ALPL: variants seen among roughly 807,000 people sequenced by gnomAD.
ALPL encodes alkaline phosphatase, tissue-nonspecific isozyme.
Under a neutral mutation model 51.3 loss-of-function variants are expected in ALPL, and 42 were observed. That is an observed-to-expected ratio of 0.82 (90% confidence interval 0.64 to 1.06). ALPL has a LOEUF of 1.06. Ranked by LOEUF, ALPL falls within the 50% of genes least tolerant of loss-of-function variation. The pLI, the probability that ALPL is intolerant of heterozygous loss-of-function variation, is 0.00. For synonymous variants in ALPL, 279 were observed against 296.4 expected (o/e 0.94, Z 0.60); for missense variants, 589 against 709.4 (o/e 0.83, Z 1.93).
chr1:21,576,923 C>G (rs1347862925), intron 11 of ALPL, among the ~76,000 whole-genome samples: 1 of 152,140 alleles, frequency 6.6e-6, no homozygotes, highest in African/African-American at 2.4e-5. Flanking sequence ...TCTGAATGAC[C>G]AAATGGGTCT....
chr1:21,509,100 C>A (rs1442760844), upstream of ALPL, among the ~76,000 whole-genome samples: 1 of 152,008 alleles, frequency 6.6e-6, no homozygotes, highest in African/African-American at 2.4e-5. The surrounding 1 kb of genome is among the most constrained non-coding windows in gnomAD (Gnocchi z 6.0). Flanking sequence ...AGGAGACGCG[C>A]GCAAGGAGCA....
intron 1 of ALPL, among the ~76,000 whole-genome samples, chr1:21,511,333 G>C (rs958933462): frequency 6.6e-6 from 1 of 152,210 alleles, no homozygotes; most frequent in African/African-American, 2.4e-5. Context: ...TGGGACCTGG[G>C]ATCAGTTCTG....
chr1:21,570,841 G>C (rs1333388425), intron 8 of ALPL, among the ~76,000 whole-genome samples: 2 of 152,178 alleles, frequency 1.3e-5, no homozygotes, highest in East Asian at 3.9e-4. Flanking sequence ...GAGGGCCCAG[G>C]GGCAGCTTCA....
intron 1 of ALPL, among the ~76,000 whole-genome samples, chr1:21,551,946 C>G (rs956279678): frequency 6.6e-6 from 1 of 150,548 alleles, no homozygotes; most frequent in African/African-American, 2.4e-5. Flanking sequence ...AGGATGGTCT[C>G]GATCTCCTGA....
chr1:21,568,323 T>C lies in ALPL; in HGVS notation c.792+76T>C, dbSNP rs3738097. ...AGGCTGTGTGACCCCTGCTCTGAAG[T>C]TCTGTTGTCCTCTGTAGAAAGGGCA... On this transcript the variant is annotated intron_variant, in intron 7 of 11. Coordinates refer to ENST00000374840, the MANE Select transcript of ALPL (RefSeq NM_000478.6). 229,942 of 1,598,700 alleles carry C rather than the reference T, an allele frequency of 0.14. 21,449 individuals are homozygous for C. Among genetic ancestry groups the C allele is most frequent in the East Asian group, 0.5 (22,361 of 44,364 alleles).
In ALPL at chr1:21,577,559, C is replaced by T; in HGVS notation, c.1486C>T (p.His496Tyr). The change falls in exon 12 of 12, where the codon CAC (histidine) becomes TAC (tyrosine). Residue 496 changes from histidine (H) to tyrosine (Y), a missense_variant. Physicochemically the swap from His to Tyr is moderately conservative, Grantham distance 83. Coordinates refer to ENST00000374840, the MANE Select transcript of ALPL (RefSeq NM_000478.6). ...AGCCTGCATCGGGGCCAACCTCGGC[C>T]ACTGTGCTCCTGCCAGCTCGGCAGG... is the stretch of plus-strand genomic sequence containing the variant. ...YAACIGANLG[H>Y]CAPASSAGSL... The T allele has an allele frequency of 6.2e-7, 1 of 1,604,696 alleles. No individual in the cohort carries two copies. The highest frequency in any genetic ancestry group is 8.5e-7 in the Non-Finnish European group (1 of 1,179,854).
At chr1:21,541,709 G>A (rs1461478719) in intron 1 of ALPL, among the ~76,000 whole-genome samples, 1 of 152,194 alleles carries the variant, frequency 6.6e-6, no homozygotes, top group Non-Finnish European at 1.5e-5. Context: ...CTGGGCTGGG[G>A]TAGGGTAGGG....
Position 21,554,001 on chromosome 1 carries a change from G to T in ALPL, c.-81G>T. The T allele has an allele frequency of 8.8e-7, 1 of 1,141,802 alleles. No individual in the cohort carries two copies. The highest frequency in any genetic ancestry group is 1.2e-5 in the South Asian group (1 of 81,558). The allele number at this position is 1,141,802 out of a possible 1,614,324, so 70.7% of individuals were successfully genotyped here. Reference sequence around the variant, plus strand: ...AGGATTGGAACATCAGTTAACATCTGACCACTGCCAGCCCACCCCCTCCCA... The same window carrying T: ...AGGATTGGAACATCAGTTAACATCTTACCACTGCCAGCCCACCCCCTCCCA... On this transcript the variant is annotated 5_prime_UTR_variant, in exon 2 of 12. Coordinates refer to ENST00000374840, the MANE Select transcript of ALPL (RefSeq NM_000478.6).
At chr1:21,560,549 G>T (rs963021944) in intron 2 of ALPL, 77 bp from the exon 3 acceptor site, 263 of 1,581,414 alleles carry the variant, frequency 1.7e-4, no homozygotes, top group Non-Finnish European at 3.6e-5. Context: ...TGAGCAATCA[G>T]AAGTGGGGGG....
chr1:21,576,392 T>C (rs190956049), intron 10 of ALPL, 130 bp from the exon 11 acceptor site: 1 of 1,273,584 alleles, frequency 7.9e-7, no homozygotes, highest in Admixed American at 2.2e-5. Flanking sequence ...AGGTGGCTTC[T>C]TGGAGGCATT....
intron 4 of ALPL, among the ~76,000 whole-genome samples, chr1:21,562,410 C>T (rs1236944358): frequency 1.3e-5 from 2 of 152,034 alleles, no homozygotes; most frequent in Non-Finnish European, 2.9e-5. Context: ...TGTGCACTGC[C>T]GGGTAGCTAT....
chr1:21,536,688 G>T (rs574647370), intron 1 of ALPL, among the ~76,000 whole-genome samples: 1 of 152,044 alleles, frequency 6.6e-6, no homozygotes, highest in African/African-American at 2.4e-5. Flanking sequence ...ACCTGGAGCT[G>T]GAGGCGGGAT....
intron 1 of ALPL, among the ~76,000 whole-genome samples, chr1:21,551,719 GTTTTTTTTTTTTT>G (rs397861981): frequency 8.1e-5 from 5 of 61,440 alleles, no homozygotes; most frequent in Non-Finnish European, 1.2e-4. Context: ...AGCTTGCGTG[GTTTTTTTTTTTTT>G]TTTTTTTTTT....
intron 1 of ALPL, among the ~76,000 whole-genome samples, chr1:21,538,404 G>A (rs1260389715): frequency 1.3e-5 from 2 of 152,202 alleles, no homozygotes; most frequent in Non-Finnish European, 2.9e-5. Flanking sequence ...TGCGAGGAAC[G>A]CTGTTATCTG....
chr1:21,551,892 A>AT (rs998038027), intron 1 of ALPL, among the ~76,000 whole-genome samples: 2 of 150,774 alleles, frequency 1.3e-5, no homozygotes, highest in South Asian at 2.1e-4. Context: ...CTCCCGGCTA[A>AT]TTTTTTGTAT....
In ALPL at chr1:21,554,263, T is replaced by A. The variant is rs112024500; in HGVS notation, c.61+121T>A. 2.2e-3 allele frequency: 2,277 copies of A among 1,057,284 alleles called. 53 individuals carry two copies. In the African/African-American group the frequency reaches 0.031, roughly 14 times the overall value. 65.5% of individuals were successfully genotyped at this position (1,057,284 alleles called of 1,614,324 possible). A position where few individuals can be genotyped will look rare whatever the true frequency, so the allele number is the denominator to read the frequency against. On this transcript the variant is annotated intron_variant, in intron 2 of 11. Transcript: ENST00000374840. ...AGTATTTAAGAGCTGAAAACAGTGT[T>A]CAGAGCAGGAAACCTCAGCCCTGCT...
At chr1:21,530,261 C>A (rs781568318) in intron 1 of ALPL, among the ~76,000 whole-genome samples, 1 of 152,136 alleles carries the variant, frequency 6.6e-6, no homozygotes. Context: ...TAGGCAATTA[C>A]GATTTTTGCT....
intron 1 of ALPL, among the ~76,000 whole-genome samples, chr1:21,523,224 G>A (rs541133910): frequency 3.3e-5 from 5 of 152,256 alleles, no homozygotes; most frequent in East Asian, 1.9e-4. Context: ...ACTTGAACCC[G>A]GGAGGCGGAG....
At chr1:21,525,496 C>A (rs945152520) in intron 1 of ALPL, among the ~76,000 whole-genome samples, 12 of 152,246 alleles carry the variant, frequency 7.9e-5, no homozygotes, top group Admixed American at 3.9e-4. Context: ...GGAGCGGCCT[C>A]TCCTGGCGTG....
Sources: gnomAD v4.1 joint callset for allele counts (sites outside exome capture counted in the v4.1 genomes callset) on GRCh38, gnomAD v4.1.1 for gene constraint, Gnocchi (gnomAD v3.1) non-coding constraint, MANE v1.5 for transcripts, NCBI Gene and HGNC (gene_info 2026-07-23, HGNC 2026-07-21) for gene names.